MEIS1: variants seen among roughly 807,000 people sequenced by gnomAD.
MEIS1 encodes Meis homeobox 1.
Under a neutral mutation model 50.8 loss-of-function variants are expected in MEIS1, and 5 were observed. That is an observed-to-expected ratio of 0.10 (90% confidence interval 0.05 to 0.21). MEIS1 has a LOEUF of 0.21. Among genes scored for constraint, MEIS1 ranks in the 10% least tolerant of loss-of-function variants. The pLI, the probability that MEIS1 is intolerant of heterozygous loss-of-function variation, is 1.00. For missense variants in MEIS1, 318 were observed against 517.3 expected, an observed-to-expected ratio of 0.61 and a Z score of 3.74; for synonymous variants, 176 against 179.3, an observed-to-expected ratio of 0.98 and a Z score of 0.15.
intron 9 of MEIS1, 51 bp downstream of exon 9, chr2:66,548,070 A>G: frequency 6.4e-7 from 1 of 1,566,682 alleles, no homozygotes; most frequent in Non-Finnish European, 8.8e-7. Context: ...CCCTCTGGCA[A>G]CCTGCAGCTC....
chr2:66,452,627 ATAAAT>A (rs1164970480), intron 6 of MEIS1, among the ~76,000 whole-genome samples: 4 of 151,996 alleles, frequency 2.6e-5, no homozygotes, highest in Non-Finnish European at 5.9e-5. Context: ...GATCTTGATG[ATAAAT>A]TAATATGTTC....
At chr2:66,504,759 GGCACTT>G (rs1191465307) in intron 7 of MEIS1, among the ~76,000 whole-genome samples, 3 of 152,118 alleles carry the variant, frequency 2.0e-5, no homozygotes, top group African/African-American at 4.8e-5. Context: ...TGTACCACAG[GGCACTT>G]GTTAAGCCTC....
At chr2:66,555,824 A>G (rs763530766) in intron 9 of MEIS1, among the ~76,000 whole-genome samples, 75 of 152,338 alleles carry the variant, frequency 4.9e-4, no homozygotes, top group Non-Finnish European at 8.4e-4. Context: ...AGTCAGCCTG[A>G]AATATTAAAA....
At chr2:66,523,098 ACACATAG>A (rs1408981891) in intron 8 of MEIS1, among the ~76,000 whole-genome samples, 2 of 152,226 alleles carry the variant, frequency 1.3e-5, no homozygotes, top group African/African-American at 4.8e-5. Flanking sequence ...TACACTGTAA[ACACATAG>A]CAATTTAAGG....
Position 66,472,619 on chromosome 2 carries a change from T to C in MEIS1, c.742+8399T>C, listed in dbSNP as rs182418602. Among the ~76,000 whole-genome samples the C allele has an allele frequency of 3.1e-4, 47 of 152,342 alleles. No individual in the cohort carries two copies. In the East Asian group the frequency reaches 8.3e-3, roughly 27 times the overall value. On this transcript the variant is annotated intron_variant, in intron 7 of 12. Coordinates refer to ENST00000272369, the MANE Select transcript of MEIS1 (RefSeq NM_002398.3). Reference sequence around the variant, plus strand: ...GTGTATTTATTTCACAACATGCCAATGACCCAGACATGGTGAACTCCGTGG... The same window carrying C: ...GTGTATTTATTTCACAACATGCCAACGACCCAGACATGGTGAACTCCGTGG...
chr2:66,567,430 T>C, intron 9 of MEIS1, 23 bp from the exon 10 acceptor site: 1 of 1,611,754 alleles, frequency 6.2e-7, no homozygotes, highest in African/African-American at 1.3e-5. Flanking sequence ...GAATAACGAT[T>C]TGTTTCACTT....
rs187792771 is a variant in MEIS1 at position 66,544,148 on chromosome 2, G to A, written c.889-3795G>A. On this transcript the variant is annotated intron_variant, in intron 8 of 12. Coordinates refer to ENST00000272369, the MANE Select transcript of MEIS1 (RefSeq NM_002398.3). The stretch of plus-strand genomic sequence containing the variant: ...CTCTTTATCTCTTTTGCAAAGTGAC[G>A]TCTGCCTTTGCCCATTGCATGGCCT... Among the ~76,000 whole-genome samples, 18 of 152,266 alleles carry A rather than the reference G, an allele frequency of 1.2e-4. No homozygotes were observed. The East Asian group carries it at 2.9e-3, about 24-fold the overall frequency.
chr2:66,510,159 T>C (rs1673791097), intron 7 of MEIS1, among the ~76,000 whole-genome samples: 1 of 152,268 alleles, frequency 6.6e-6, no homozygotes, highest in Non-Finnish European at 1.5e-5. Flanking sequence ...TTTTCTCATG[T>C]TTCTTTAATG....
intron 7 of MEIS1, among the ~76,000 whole-genome samples, chr2:66,498,524 G>C (rs1673466316): frequency 6.6e-6 from 1 of 152,166 alleles, no homozygotes; most frequent in Non-Finnish European, 1.5e-5. Context: ...AGAGAGGCCT[G>C]CAGTGCTAAC....
chr2:66,474,360 G>GCTA (rs1420320663), intron 7 of MEIS1, among the ~76,000 whole-genome samples: 5 of 152,026 alleles, frequency 3.3e-5, no homozygotes, highest in Non-Finnish European at 7.4e-5. Flanking sequence ...GGGTAACTAT[G>GCTA]CTACCCTGGG....
intron 6 of MEIS1, among the ~76,000 whole-genome samples, chr2:66,453,916 TA>T (rs1239480487): frequency 6.6e-6 from 1 of 151,978 alleles, no homozygotes; most frequent in East Asian, 1.9e-4. Flanking sequence ...CACTTGAGAC[TA>T]AACAGTTAAG....
intron 7 of MEIS1, among the ~76,000 whole-genome samples, chr2:66,505,822 C>G (rs1054083745): frequency 4.6e-5 from 7 of 152,182 alleles, no homozygotes; most frequent in African/African-American, 7.2e-5. Context: ...TACCTTAACT[C>G]TTAGTCCATC....
rs1290399426 is a variant in MEIS1 at position 66,500,417 on chromosome 2, T to TTTTA, written c.743-11716_743-11713dup. Among the ~76,000 whole-genome samples, 153 of 152,194 alleles carry TTTTA rather than the reference T, an allele frequency of 1.0e-3. 2 individuals carry two copies. Among genetic ancestry groups the TTTTA allele is most frequent in the African/African-American group, 3.5e-3 (147 of 41,524 alleles). Reference sequence around the variant, plus strand: ...CTGGATGTCAGAAAGCTTTTTAAATTTTTATTTATTTATTTATTTTTTATT... The same window carrying TTTTA: ...CTGGATGTCAGAAAGCTTTTTAAATTTTTATTTATTTATTTATTTATTTTTTATT... On this transcript the variant is annotated intron_variant, in intron 7 of 12. Coordinates refer to ENST00000272369, the MANE Select transcript of MEIS1 (RefSeq NM_002398.3).
At chr2:66,438,060 G>A (rs1671845657) in intron 2 of MEIS1, 97 bp downstream of exon 2, 3 of 1,111,008 alleles carry the variant, frequency 2.7e-6, no homozygotes, top group African/African-American at 1.6e-5. Context: ...CTCTGGATTG[G>A]AGGTACATCT....
At position 66,573,105 on chromosome 2, in the gene MEIS1, A is replaced by G. The variant is rs1472173777; in HGVS notation, c.*1897A>G. 6.6e-6 allele frequency: 1 copy of G among 152,224 alleles called. No homozygotes were observed. Among genetic ancestry groups the G allele is most frequent in the Non-Finnish European group, 1.5e-5 (1 of 68,036 alleles). The allele number at this position is 152,224 out of a possible 1,614,324, so 9.4% of individuals were successfully genotyped here. On this transcript the variant is annotated 3_prime_UTR_variant, in exon 13 of 13. Coordinates refer to ENST00000272369, the MANE Select transcript of MEIS1 (RefSeq NM_002398.3). Reference sequence around the variant, plus strand: ...AAGGATGTTACCTAGGATGAGCAGTATATGTTTATTAGGAAATTAACTACA... The same window carrying G: ...AAGGATGTTACCTAGGATGAGCAGTGTATGTTTATTAGGAAATTAACTACA...
intron 7 of MEIS1, chr2:66,496,177 T>C (rs1351197312): frequency 6.6e-6 from 1 of 152,184 alleles, no homozygotes; most frequent in Non-Finnish European, 1.5e-5. Context: ...CTGTGACTTC[T>C]TTCTCACCCA....
intron 9 of MEIS1, among the ~76,000 whole-genome samples, chr2:66,548,258 A>G (rs779353343): frequency 3.9e-4 from 60 of 152,210 alleles, no homozygotes; most frequent in Non-Finnish European, 5.9e-4. Flanking sequence ...TAGTATAAGT[A>G]TGTGTGTAAT....
At chr2:66,473,938 A>G (rs1308887016) in intron 7 of MEIS1, among the ~76,000 whole-genome samples, 3 of 152,202 alleles carry the variant, frequency 2.0e-5, no homozygotes, top group Non-Finnish European at 4.4e-5. Context: ...CATATAACCT[A>G]TGCACATCCT....
At chr2:66,449,907 G>T (rs577068772) in intron 6 of MEIS1, among the ~76,000 whole-genome samples, 8 of 152,086 alleles carry the variant, frequency 5.3e-5, no homozygotes, top group Non-Finnish European at 1.2e-4. Flanking sequence ...TACTATCAAG[G>T]GTTGATTCTC....
Sources: gnomAD v4.1 joint callset for allele counts (sites outside exome capture counted in the v4.1 genomes callset) on GRCh38, gnomAD v4.1.1 for gene constraint, MANE v1.5 for transcripts, NCBI Gene and HGNC (gene_info 2026-07-23, HGNC 2026-07-21) for gene names.